Variants in PRELID2 observed in about 807,000 individuals in gnomAD.
PRELID2 encodes the protein PRELI domain containing 2.
Under a neutral mutation model 28.4 loss-of-function variants are expected in PRELID2, and 25 were observed. The observed-to-expected ratio is 0.88, with a 90% CI of 0.64 to 1.23. The LOEUF is 1.23. PRELID2 is among the 50% of genes most tolerant of loss of function. The pLI is 0.00. For missense variants in PRELID2, 201 were observed against 214.4 expected, an observed-to-expected ratio of 0.94 and a Z score of 0.39; for synonymous variants, 76 against 71.6, an observed-to-expected ratio of 1.06 and a Z score of -0.31.
intron 5 of PRELID2, among the ~76,000 whole-genome samples, chr5:145,778,158 T>C (rs914129418): frequency 3.3e-5 from 5 of 152,224 alleles, no homozygotes; most frequent in African/African-American, 1.2e-4. Context: ...CCAGGCTCAA[T>C]CAGAGCTGAG....
At chr5:145,665,986 T>TTAA (rs533493462) in intron 1 of PRELID2, among the ~76,000 whole-genome samples, 1 of 138,196 alleles carries the variant, frequency 7.2e-6, no homozygotes, top group Non-Finnish European at 1.6e-5. Flanking sequence ...GTCTTTTTTT[T>TTAA]AAAAAAAAAA....
At chr5:145,390,528 C>G in the PRELID2 span, among the ~76,000 whole-genome samples, 1 of 152,058 alleles carries the variant, frequency 6.6e-6, no homozygotes. Context: ...GTAACTGCCC[C>G]CATGATTCAA....
intron 1 of PRELID2, among the ~76,000 whole-genome samples, chr5:145,681,092 G>A (rs535280369): frequency 2.0e-5 from 3 of 152,264 alleles, no homozygotes; most frequent in Admixed American, 2.0e-4. Context: ...TCCGGTACTG[G>A]AAAAAAGTAC....
chr5:145,286,842 T>C, the PRELID2 span, among the ~76,000 whole-genome samples: 1 of 151,686 alleles, frequency 6.6e-6, no homozygotes, highest in African/African-American at 2.4e-5. Context: ...CTGCCTCAGC[T>C]GGGATTACAG....
intron 1 of PRELID2, among the ~76,000 whole-genome samples, chr5:145,550,790 T>C (rs1752826792): frequency 6.6e-6 from 1 of 152,210 alleles, no homozygotes; most frequent in Non-Finnish European, 1.5e-5. Flanking sequence ...TGTAGAGCCA[T>C]TTTCAAGGAT....
intron 1 of PRELID2, among the ~76,000 whole-genome samples, chr5:145,731,131 A>C (rs1380519756): frequency 1.3e-5 from 2 of 152,204 alleles, no homozygotes; most frequent in Non-Finnish European, 2.9e-5. Flanking sequence ...TTTAACTCTT[A>C]CATGTTCTAC....
At chr5:145,804,653 G>C (rs1189096540) in intron 4 of PRELID2, among the ~76,000 whole-genome samples, 1 of 151,882 alleles carries the variant, frequency 6.6e-6, no homozygotes. Flanking sequence ...ATATTAACCC[G>C]ATTTTACAGA....
intron 1 of PRELID2, among the ~76,000 whole-genome samples, chr5:145,539,420 C>G (rs959093121): frequency 6.6e-6 from 1 of 151,938 alleles, no homozygotes; most frequent in Non-Finnish European, 1.5e-5. Context: ...GAGTGGAGCC[C>G]AAGAATCTGT....
At chr5:145,737,223 CAAG>C (rs573883751) in intron 1 of PRELID2, among the ~76,000 whole-genome samples, 50 of 152,048 alleles carry the variant, frequency 3.3e-4, no homozygotes, top group East Asian at 3.1e-3. Flanking sequence ...ACAGTTATTA[CAAG>C]AAGAAGCATA....
At chr5:145,599,418 AC>A (rs5871937) in intron 1 of PRELID2, among the ~76,000 whole-genome samples, 18,482 of 151,906 alleles carry the variant, frequency 0.12, 3,111 homozygotes, top group African/African-American at 0.38. Flanking sequence ...GCCTTAGAAG[AC>A]TCTTTTTCTG....
chr5:145,731,301 A>G (rs1756339184), intron 1 of PRELID2, among the ~76,000 whole-genome samples: 1 of 152,242 alleles, frequency 6.6e-6, no homozygotes, highest in South Asian at 2.1e-4. Flanking sequence ...AAATGTTAAT[A>G]TCGGCTTCTA....
intron 1 of PRELID2, chr5:145,834,620 T>C (rs1198372342): frequency 6.6e-6 from 1 of 152,254 alleles, no homozygotes; most frequent in African/African-American, 2.4e-5. Flanking sequence ...AGGTCACAAC[T>C]GTGCTAAGCA....
At chr5:145,505,756 C>A (rs1256190719) in intron 1 of PRELID2, among the ~76,000 whole-genome samples, 2 of 152,166 alleles carry the variant, frequency 1.3e-5, no homozygotes, top group Non-Finnish European at 2.9e-5. Flanking sequence ...CATAAATTCC[C>A]ATCAACAGAA....
the PRELID2 span, among the ~76,000 whole-genome samples, chr5:145,403,286 C>G: frequency 6.6e-6 from 1 of 152,094 alleles, no homozygotes; most frequent in Non-Finnish European, 1.5e-5. Context: ...GTCTGTAACC[C>G]CAGCACTTTG....
chr5:145,724,727 T>C (rs1756094725), intron 1 of PRELID2, among the ~76,000 whole-genome samples: 1 of 136,356 alleles, frequency 7.3e-6, no homozygotes, highest in Non-Finnish European at 1.5e-5. Context: ...ATATATAATA[T>C]ATATAATATA....
chr5:145,830,647 G>A lies in PRELID2; in HGVS notation c.75+4530C>T, dbSNP rs1406210829. Among the ~76,000 whole-genome samples the A allele has an allele frequency of 2.0e-5, 3 of 152,222 alleles. No homozygotes were observed. In the East Asian group the frequency reaches 5.8e-4, roughly 29 times the overall value. On this transcript the variant is annotated intron_variant, in intron 1 of 6. Coordinates refer to ENST00000683046, the MANE Select transcript of PRELID2 (RefSeq NM_205846.3). Reference sequence around the variant, plus strand: ...AAGTGCATTGACACTATAGTTCTTGGAAAGTACATACAGTTCAGCATCCAA... The same window carrying A: ...AAGTGCATTGACACTATAGTTCTTGAAAAGTACATACAGTTCAGCATCCAA...
At chr5:145,807,535 T>C (rs1753598267) in intron 4 of PRELID2, among the ~76,000 whole-genome samples, 1 of 151,950 alleles carries the variant, frequency 6.6e-6, no homozygotes, top group African/African-American at 2.4e-5. Context: ...CTTTATCCCT[T>C]TTCCCAGAGT....
chr5:145,538,778 G>C (rs1333903949), intron 1 of PRELID2, among the ~76,000 whole-genome samples: 3 of 151,910 alleles, frequency 2.0e-5, no homozygotes, highest in Admixed American at 2.0e-4. Flanking sequence ...ACAGAGGAGT[G>C]CTTCAAGCAA....
intron 1 of PRELID2, among the ~76,000 whole-genome samples, chr5:145,603,059 C>T (rs961951992): frequency 2.0e-5 from 3 of 151,762 alleles, no homozygotes; most frequent in Non-Finnish European, 4.4e-5. Context: ...TCTCAAGAAA[C>T]GTGAAAAATA....
Sources: gnomAD v4.1 joint callset for allele counts (sites outside exome capture counted in the v4.1 genomes callset) on GRCh38, gnomAD v4.1.1 for gene constraint, MANE v1.5 for transcripts, NCBI Gene and HGNC (gene_info 2026-07-23, HGNC 2026-07-21) for gene names.